The following GABRA4 variants were observed in gnomAD, a reference collection of about 807,000 sequenced individuals.
The protein encoded by GABRA4 is gamma-aminobutyric acid receptor subunit alpha-4.
In GABRA4, 12 loss-of-function variants were observed where a neutral mutation model predicts 49.7. The observed-to-expected ratio is 0.24, with a 90% CI of 0.15 to 0.39. GABRA4 has a LOEUF of 0.39. GABRA4 is among the 10% of genes least tolerant of loss of function. The probability of loss-of-function intolerance (pLI) is 1.00; values close to 1 mark genes in which losing one functional copy is unlikely to be tolerated. For missense variants in GABRA4, 506 were observed against 686.0 expected, an observed-to-expected ratio of 0.74 and a Z score of 2.93; for synonymous variants, 288 against 240.2, an observed-to-expected ratio of 1.20 and a Z score of -1.84.
At chr4:46,946,402 T>C (rs374772851) in intron 8 of GABRA4, among the ~76,000 whole-genome samples, 6 of 152,106 alleles carry the variant, frequency 3.9e-5, no homozygotes, top group African/African-American at 1.4e-4. Context: ...AGGCTGTTGA[T>C]AAAAACAGCA....
intron 2 of GABRA4, among the ~76,000 whole-genome samples, chr4:46,979,613 G>A (rs1723279415): frequency 1.3e-5 from 2 of 151,956 alleles, no homozygotes; most frequent in Admixed American, 6.6e-5. Flanking sequence ...CTGCTGATTG[G>A]GATCAAAGAC....
intron 7 of GABRA4, among the ~76,000 whole-genome samples, chr4:46,970,820 A>G (rs1722927698): frequency 6.6e-6 from 1 of 151,552 alleles, no homozygotes; most frequent in Admixed American, 6.6e-5. Flanking sequence ...TGAAAGTGAG[A>G]TTATGTCCAG....
chr4:46,928,221 G>A lies in GABRA4; in HGVS notation c.*4C>T, dbSNP rs201935955. 6.8e-5 allele frequency: 108 copies of A among 1,594,478 alleles called. 2 individuals carry two copies. Among genetic ancestry groups the A allele is most frequent in the South Asian group, 6.4e-4 (57 of 88,986 alleles). ...TCTTTTAGCAAACTACTATAGCAAC[G>A]AAATTACATTAGACTTTCTGATTTC... On this transcript the variant is annotated 3_prime_UTR_variant, in exon 9 of 9. Transcript: ENST00000264318.
At chr4:46,967,783 C>T (rs961623108) in intron 7 of GABRA4, among the ~76,000 whole-genome samples, 17 of 151,658 alleles carry the variant, frequency 1.1e-4, no homozygotes, top group Non-Finnish European at 2.2e-4. Context: ...GCTGAATATG[C>T]ACCATATTGG....
chr4:46,992,730 A>C (rs1723803298), intron 2 of GABRA4, 98 bp downstream of exon 2: 2 of 879,154 alleles, frequency 2.3e-6, no homozygotes, highest in South Asian at 2.7e-5. Context: ...TTATTTTTGC[A>C]CGTGAGGCAT....
chr4:46,955,837 T>C (rs186968315), intron 8 of GABRA4, among the ~76,000 whole-genome samples: 22 of 152,244 alleles, frequency 1.4e-4, no homozygotes, highest in Non-Finnish European at 2.6e-4. Context: ...ACCATACTTT[T>C]ATATAGTAAA....
chr4:46,932,129 G>A (rs1721459232), intron 8 of GABRA4, among the ~76,000 whole-genome samples: 1 of 152,058 alleles, frequency 6.6e-6, no homozygotes, highest in Admixed American at 6.6e-5. Context: ...TTAGAAGATT[G>A]GCCTGCCCAG....
intron 2 of GABRA4, among the ~76,000 whole-genome samples, chr4:46,983,815 G>T (rs960483461): frequency 1.2e-4 from 18 of 152,010 alleles, no homozygotes; most frequent in African/African-American, 3.6e-4. Context: ...ATGCATTTGT[G>T]CAACATTAAA....
chr4:46,982,007 T>C (rs1290242269), intron 2 of GABRA4, among the ~76,000 whole-genome samples: 1 of 151,938 alleles, frequency 6.6e-6, no homozygotes, highest in African/African-American at 2.4e-5. Flanking sequence ...TGCTGAGAAA[T>C]AAAAGCCACA....
chr4:46,985,300 G>A (rs943014770), intron 2 of GABRA4, among the ~76,000 whole-genome samples: 5 of 151,966 alleles, frequency 3.3e-5, no homozygotes, highest in African/African-American at 1.2e-4. Context: ...ATTTTGGACG[G>A]AGAAGACAGG....
intron 8 of GABRA4, among the ~76,000 whole-genome samples, chr4:46,937,767 A>C: frequency 6.6e-6 from 1 of 152,160 alleles, no homozygotes; most frequent in South Asian, 2.1e-4. Context: ...AGTTATTTTC[A>C]GCACCTCTTA....
intron 8 of GABRA4, among the ~76,000 whole-genome samples, chr4:46,937,207 A>G (rs1250629531): frequency 6.6e-6 from 1 of 152,196 alleles, no homozygotes; most frequent in East Asian, 1.9e-4. Flanking sequence ...GGACGCAGTA[A>G]GAAAACAGCT....
chr4:46,949,478 A>G (rs780145152), intron 8 of GABRA4, among the ~76,000 whole-genome samples: 51 of 152,234 alleles, frequency 3.4e-4, no homozygotes, highest in Non-Finnish European at 5.7e-4. Flanking sequence ...CAAGGACAAT[A>G]GTCATAAACT....
Position 46,928,559 on chromosome 4 carries a change from G to T in GABRA4, c.1331C>A (p.Thr444Asn). 7 of 1,613,648 alleles carry T rather than the reference G, an allele frequency of 4.3e-6. No individual in the cohort carries two copies. The highest frequency in any genetic ancestry group is 5.9e-6 in the Non-Finnish European group (7 of 1,179,708). The change falls in exon 9 of 9, where the codon ACC becomes AAC. Residue 444 changes from threonine to asparagine, a missense_variant. This residue lies in a region of GABRA4 where 243 missense variants were observed against 210.8 expected (regional missense o/e 1.15). Coordinates refer to ENST00000264318, the MANE Select transcript of GABRA4 (RefSeq NM_000809.4). ...TGGAAGTGCTCTTGCTGCAGATATG[G>T]TTTCAGCTGCATTTGCACGGCTGAA... Reference protein sequence around the residue: ...NPFSRANAAETISAARALPSA... With the variant: ...NPFSRANAAENISAARALPSA...
At chr4:46,954,538 C>G (rs960596633) in intron 8 of GABRA4, among the ~76,000 whole-genome samples, 1 of 120,174 alleles carries the variant, frequency 8.3e-6, no homozygotes, top group Non-Finnish European at 1.7e-5. Flanking sequence ...GCCTGGGCAA[C>G]AATAGTGAAA....
intron 2 of GABRA4, among the ~76,000 whole-genome samples, chr4:46,985,840 C>T (rs1723513742): frequency 6.6e-6 from 1 of 151,824 alleles, no homozygotes; most frequent in East Asian, 1.9e-4. Context: ...ATTCAAACTT[C>T]TCTTGTTTTC....
At chr4:46,992,807 C>G in intron 2 of GABRA4, 21 bp downstream of exon 2, 1 of 1,542,730 alleles carries the variant, frequency 6.5e-7, no homozygotes, top group Admixed American at 1.7e-5. Flanking sequence ...GACACACTTG[C>G]GCGTTTGAAA....
chr4:46,966,666 A>G (rs1296536605), intron 7 of GABRA4, among the ~76,000 whole-genome samples: 3 of 151,692 alleles, frequency 2.0e-5, no homozygotes, highest in African/African-American at 7.3e-5. Flanking sequence ...TTCCTCACCA[A>G]TCCATTTTCT....
At position 46,927,265 on chromosome 4, in the gene GABRA4, AC is replaced by A. The variant is rs1721261837; in HGVS notation, c.*959del. 1 of 152,466 alleles carries A rather than the reference AC, an allele frequency of 6.6e-6. No homozygotes were observed. Among genetic ancestry groups the A allele is most frequent in the Non-Finnish European group, 1.5e-5 (1 of 67,960 alleles). 9.4% of individuals were successfully genotyped at this position (152,466 alleles called of 1,614,324 possible). On this transcript the variant is annotated 3_prime_UTR_variant, in exon 9 of 9. Transcript: ENST00000264318. ...AAAACCAATTGCTGAAGTTGTACTG[AC>A]ATCAAAGTGGTTATGTGAACAAATA... is the stretch of plus-strand genomic sequence containing the variant.
Sources: allele counts gnomAD v4.1 joint callset (sites outside exome capture counted in the v4.1 genomes callset), GRCh38; gene constraint gnomAD v4.1.1; regional missense constraint gnomAD v4.1.1; transcripts MANE v1.5; gene names NCBI Gene and HGNC (gene_info 2026-07-23, HGNC 2026-07-21).